The following DPYD variants were observed in gnomAD, a reference collection of about 807,000 sequenced individuals.
DPYD encodes the protein dihydropyrimidine dehydrogenase [NADP(+)].
Under a neutral mutation model 116.2 loss-of-function variants are expected in DPYD, and 109 were observed. That is an observed-to-expected ratio of 0.94 (90% CI 0.80 to 1.10). The LOEUF (loss-of-function observed/expected upper bound fraction) is 1.10, where lower values mean the gene tolerates loss of function less well. DPYD is among the 50% of genes least tolerant of loss of function. DPYD has a pLI of 0.00. For synonymous variants in DPYD, 440 were observed against 432.0 expected (o/e 1.02, Z -0.23); for missense variants, 1,302 against 1,254.5 (o/e 1.04, Z -0.57).
intron 20 of DPYD, among the ~76,000 whole-genome samples, chr1:97,139,045 C>T (rs1276780822): frequency 6.6e-6 from 1 of 152,056 alleles, no homozygotes; most frequent in African/African-American, 2.4e-5. Context: ...TGAGTTTGGT[C>T]CTTTCGAAAA....
At chr1:97,268,477 G>A (rs1044250616) in intron 18 of DPYD, among the ~76,000 whole-genome samples, 21 of 152,096 alleles carry the variant, frequency 1.4e-4, no homozygotes, top group Non-Finnish European at 3.1e-4. Flanking sequence ...AGGGACCCAG[G>A]CTAACCGAGA....
intron 5 of DPYD, among the ~76,000 whole-genome samples, chr1:97,707,188 T>C (rs948888636): frequency 6.6e-6 from 1 of 152,034 alleles, no homozygotes; most frequent in Non-Finnish European, 1.5e-5. Context: ...CTCAATTAGA[T>C]TAGTTCCCTT....
chr1:97,446,515 T>C (rs1676095222), intron 14 of DPYD, among the ~76,000 whole-genome samples: 2 of 152,210 alleles, frequency 1.3e-5, no homozygotes, highest in Non-Finnish European at 2.9e-5. Context: ...AAGTGTTTTT[T>C]ACAGAAATGA....
At chr1:97,808,688 T>G (rs1475437434) in intron 3 of DPYD, among the ~76,000 whole-genome samples, 2 of 152,002 alleles carry the variant, frequency 1.3e-5, no homozygotes, top group African/African-American at 4.8e-5. Context: ...ACGAACATCC[T>G]TGCCTTGTTC....
chr1:97,228,843 G>A lies in DPYD; in HGVS notation c.2442+6009C>T, dbSNP rs530577386. The stretch of plus-strand genomic sequence containing the variant: ...GATGATATGAGAGAAATGGGAGGAT[G>A]ATGATCAAGAGGCTAAGGGCTTTGA... On this transcript the variant is annotated intron_variant, in intron 19 of 22. Coordinates refer to ENST00000370192, the MANE Select transcript of DPYD (RefSeq NM_000110.4). Among the ~76,000 whole-genome samples the A allele has an allele frequency of 2.0e-5, 3 of 152,220 alleles. No homozygotes were observed. In the East Asian group the frequency reaches 5.8e-4, roughly 29 times the overall value.
intron 19 of DPYD, among the ~76,000 whole-genome samples, chr1:97,216,531 C>G (rs1660407171): frequency 6.6e-6 from 1 of 152,142 alleles, no homozygotes; most frequent in South Asian, 2.1e-4. Context: ...CAGTGGCTCA[C>G]ACCTGTAATC....
chr1:97,089,899 T>G (rs1570436679), intron 21 of DPYD, among the ~76,000 whole-genome samples: 1 of 151,146 alleles, frequency 6.6e-6, no homozygotes, highest in African/African-American at 2.4e-5. Flanking sequence ...AGCAAAGATT[T>G]CTGGTTCTCA....
At chr1:97,836,174 G>A (rs527960422) in intron 2 of DPYD, among the ~76,000 whole-genome samples, 12 of 152,284 alleles carry the variant, frequency 7.9e-5, no homozygotes, top group African/African-American at 2.9e-4. Context: ...TGGGGTGCGG[G>A]TGGCAAAGTC....
intron 6 of DPYD, among the ~76,000 whole-genome samples, chr1:97,695,555 G>A (rs543700547): frequency 8.6e-5 from 13 of 151,174 alleles, no homozygotes; most frequent in African/African-American, 2.7e-4. Context: ...GCTCTAAATA[G>A]AGCCAGAAAT....
intron 16 of DPYD, among the ~76,000 whole-genome samples, chr1:97,315,412 G>T (rs543819832): frequency 1.6e-4 from 25 of 152,012 alleles, no homozygotes; most frequent in African/African-American, 6.0e-4. Context: ...GGCTAGCAAA[G>T]ACTTTTCTTG....
intron 2 of DPYD, among the ~76,000 whole-genome samples, chr1:97,845,865 G>A (rs1349659468): frequency 6.6e-6 from 1 of 152,176 alleles, no homozygotes; most frequent in Non-Finnish European, 1.5e-5. Flanking sequence ...GGTGCATACA[G>A]CAGATGCCGC....
intron 20 of DPYD, among the ~76,000 whole-genome samples, chr1:97,143,208 A>C (rs1283255331): frequency 6.6e-6 from 1 of 152,106 alleles, no homozygotes; most frequent in Non-Finnish European, 1.5e-5. Context: ...TTTTGAAAAT[A>C]AGTCACTTTC....
chr1:97,285,035 C>A (rs567965704), intron 18 of DPYD, among the ~76,000 whole-genome samples: 2 of 152,156 alleles, frequency 1.3e-5, no homozygotes, highest in African/African-American at 2.4e-5. Context: ...GCTAACGGGT[C>A]TGGATCAAAG....
intron 9 of DPYD, among the ~76,000 whole-genome samples, chr1:97,594,287 T>G (rs1371660856): frequency 6.6e-6 from 1 of 152,078 alleles, no homozygotes; most frequent in African/African-American, 2.4e-5. Flanking sequence ...ACTATGACCT[T>G]CCTCAGAAAG....
At chr1:97,788,244 T>C (rs1667144026) in intron 3 of DPYD, among the ~76,000 whole-genome samples, 3 of 152,194 alleles carry the variant, frequency 2.0e-5, no homozygotes, top group Admixed American at 1.3e-4. Flanking sequence ...CAATGACCTA[T>C]AAAATGATGG....
intron 3 of DPYD, among the ~76,000 whole-genome samples, chr1:97,824,267 C>G (rs979420072): frequency 2.6e-5 from 4 of 152,020 alleles, no homozygotes; most frequent in African/African-American, 7.2e-5. Flanking sequence ...TATGGATCTA[C>G]CTTTTACTAT....
chr1:97,588,480 A>C (rs1654294768), intron 10 of DPYD, among the ~76,000 whole-genome samples: 1 of 152,208 alleles, frequency 6.6e-6, no homozygotes, highest in South Asian at 2.1e-4. Context: ...AGGTCTGTTG[A>C]GTTCTGACCT....
chr1:97,810,982 A>G (rs953482245), intron 3 of DPYD, among the ~76,000 whole-genome samples: 1 of 152,066 alleles, frequency 6.6e-6, no homozygotes, highest in Admixed American at 6.6e-5. Context: ...ATTGGTCTTC[A>G]GTTACTTTCA....
intron 20 of DPYD, among the ~76,000 whole-genome samples, chr1:97,107,158 T>C (rs1651226301): frequency 6.6e-6 from 1 of 152,120 alleles, no homozygotes. Context: ...CATGCTGTCA[T>C]TCTTCCTGAC....
Sources: allele counts gnomAD v4.1 joint callset (sites outside exome capture counted in the v4.1 genomes callset), GRCh38; gene constraint gnomAD v4.1.1; transcripts MANE v1.5; gene names NCBI Gene and HGNC (gene_info 2026-07-23, HGNC 2026-07-21).